PRPF6: variants seen among roughly 807,000 people sequenced by gnomAD.
The protein encoded by PRPF6 is pre-mRNA processing factor 6.
Under a neutral mutation model 118.3 loss-of-function variants are expected in PRPF6, and 42 were observed. The observed-to-expected ratio is 0.35, with a 90% CI of 0.28 to 0.46. The LOEUF (loss-of-function observed/expected upper bound fraction) is 0.46, where lower values mean the gene tolerates loss of function less well. PRPF6 is among the 20% of genes least tolerant of loss of function. The pLI is 1.00. For synonymous variants in PRPF6, 481 were observed against 485.1 expected (o/e 0.99, Z 0.11); for missense variants, 662 against 1,255.7 (o/e 0.53, Z 7.15).
chr20:63,989,274 G>C (rs1021870897), intron 3 of PRPF6, among the ~76,000 whole-genome samples: 2 of 152,042 alleles, frequency 1.3e-5, no homozygotes, highest in African/African-American at 4.8e-5. Flanking sequence ...GAAACTACTA[G>C]AAGAAAACAT....
At chr20:63,995,115 A>T in intron 5 of PRPF6, 23 bp downstream of exon 5, 2 of 1,614,056 alleles carry the variant, frequency 1.2e-6, no homozygotes, top group Middle Eastern at 1.6e-4. Context: ...AAAAGGGCAC[A>T]TGTGGCCCAT....
intron 3 of PRPF6, among the ~76,000 whole-genome samples, chr20:63,993,046 T>A (rs1242775196): frequency 1.3e-5 from 2 of 151,792 alleles, no homozygotes; most frequent in Non-Finnish European, 2.9e-5. Flanking sequence ...TGAAACCCCG[T>A]CTCTACTAAA....
Position 64,001,332 on chromosome 20 carries a change from G to A in PRPF6, c.1186+93G>A, listed in dbSNP as rs1178955048. 6 of 1,456,234 alleles carry A rather than the reference G, an allele frequency of 4.1e-6. No individual in the cohort carries two copies. The Admixed American group carries it at 5.4e-5, about 13-fold the overall frequency. The allele number at this position is 1,456,234 out of a possible 1,614,324, so 90.2% of individuals were successfully genotyped here. A position where few individuals can be genotyped will look rare whatever the true frequency, so the allele number is the denominator to read the frequency against. ...CCTGGCTCAGGCTTTTGGTGAGAGTGGATAAGGAACCAGGGACATTTTTCA... is the reference window on the plus strand; with the variant it reads ...CCTGGCTCAGGCTTTTGGTGAGAGTAGATAAGGAACCAGGGACATTTTTCA... On this transcript the variant is annotated intron_variant, in intron 9 of 20. Transcript: ENST00000266079.
At chr20:64,019,247 C>G (rs2059252848) in intron 12 of PRPF6, among the ~76,000 whole-genome samples, 1 of 151,848 alleles carries the variant, frequency 6.6e-6, no homozygotes, top group Non-Finnish European at 1.5e-5. Flanking sequence ...GCTGGGACTA[C>G]AGGTGCCTGC....
rs1023032652 is a variant in PRPF6 at position 64,001,999 on chromosome 20, T to C, written c.1186+760T>C. ...AGGTGGCTTCTTTTTTTTCATTTTTTGTTTTTTTTTTCTGGTTTTTTTTTT... is the reference window on the plus strand; with the variant it reads ...AGGTGGCTTCTTTTTTTTCATTTTTCGTTTTTTTTTTCTGGTTTTTTTTTT... On this transcript the variant is annotated intron_variant, in intron 9 of 20. Coordinates refer to ENST00000266079, the MANE Select transcript of PRPF6 (RefSeq NM_012469.4). Among the ~76,000 whole-genome samples, 4 of 146,494 alleles carry C rather than the reference T, an allele frequency of 2.7e-5. 1 individual carries two copies. The highest frequency in any genetic ancestry group is 1.4e-4 in the Admixed American group (2 of 13,800).
intron 14 of PRPF6, 151 bp downstream of exon 14, chr20:64,024,844 G>A: frequency 8.3e-7 from 1 of 1,211,012 alleles, no homozygotes; most frequent in Non-Finnish European, 1.1e-6. Context: ...AGGAGCAGGG[G>A]CCGTGAAGGG....
intron 12 of PRPF6, among the ~76,000 whole-genome samples, chr20:64,018,476 G>C (rs1343950484): frequency 2.0e-5 from 3 of 152,148 alleles, no homozygotes; most frequent in Admixed American, 6.5e-5. Flanking sequence ...TCTGGTGCGG[G>C]CAGTGGCCGC....
rs760744481 is a variant in PRPF6 at position 63,983,065 on chromosome 20, G to A, written c.90G>A (p.Thr30=). 10 of 1,614,050 alleles carry A rather than the reference G, an allele frequency of 6.2e-6. No individual in the cohort carries two copies. Among genetic ancestry groups the A allele is most frequent in the South Asian group, 4.4e-5 (4 of 91,078 alleles). Residue 30 remains threonine (T), a synonymous_variant, in exon 2 of 21, where the codon ACG becomes ACA. Coordinates refer to ENST00000266079, the MANE Select transcript of PRPF6 (RefSeq NM_012469.4). ...CCTGCAGCGCCACTGGCTTCACCAC[G>A]CGGTCAGACATTGGGCCCGCCCGTG... ...GLGRGATGFT[T]RSDIGPARDA...
chr20:63,999,131 A>G lies in PRPF6; in HGVS notation c.858A>G (p.Gly286=), dbSNP rs749629149. Residue 286 remains glycine (G), a synonymous_variant, in exon 7 of 21, where the codon GGA becomes GGG. Coordinates refer to ENST00000266079, the MANE Select transcript of PRPF6 (RefSeq NM_012469.4). ...DLNSMIPTHG[G]DINDIKKARL... Reference sequence around the variant, plus strand: ...ATTCCATGATCCCGACACACGGAGGAGACATCAAGTGAGTGCTTTGCAGAA... The same window carrying G: ...ATTCCATGATCCCGACACACGGAGGGGACATCAAGTGAGTGCTTTGCAGAA... 2 of 1,613,780 alleles carry G rather than the reference A, an allele frequency of 1.2e-6. No individual in the cohort carries two copies. Among genetic ancestry groups the G allele is most frequent in the East Asian group, 4.5e-5 (2 of 44,874 alleles).
rs527686294 is a variant in PRPF6, at chr20:63,981,163, A to C, written c.-83A>C. Reference sequence around the variant, plus strand: ...GACACTTTGCTACGGAGTGCATCGGACGTCGAAGCCTAGAGTCTCTGCGTC... The same window carrying C: ...GACACTTTGCTACGGAGTGCATCGGCCGTCGAAGCCTAGAGTCTCTGCGTC... On this transcript the variant is annotated 5_prime_UTR_variant, in exon 1 of 21. Coordinates refer to ENST00000266079, the MANE Select transcript of PRPF6 (RefSeq NM_012469.4). 1.2e-5 allele frequency: 17 copies of C among 1,414,086 alleles called. No individual in the cohort carries two copies. In the East Asian group the frequency reaches 1.2e-4, roughly 10 times the overall value. 87.6% of individuals were successfully genotyped at this position (1,414,086 alleles called of 1,614,324 possible). A position where few individuals can be genotyped will look rare whatever the true frequency, so the allele number is the denominator to read the frequency against.
chr20:63,996,207 C>T (rs539559950), intron 6 of PRPF6, among the ~76,000 whole-genome samples: 5 of 152,114 alleles, frequency 3.3e-5, no homozygotes, highest in African/African-American at 9.6e-5. Context: ...GGTGTGGTGG[C>T]GGGCGCCTGT....
At chr20:64,008,822 A>G (rs1386413478) in intron 9 of PRPF6, among the ~76,000 whole-genome samples, 4 of 152,172 alleles carry the variant, frequency 2.6e-5, no homozygotes, top group Non-Finnish European at 5.9e-5. Context: ...GTTATGAACT[A>G]TTGAATGCTG....
Position 63,994,935 on chromosome 20 carries a change from CAG to C in PRPF6, c.460_461del (p.Glu154ArgfsTer15). The C allele has an allele frequency of 6.2e-7, 1 of 1,614,188 alleles. No individual in the cohort carries two copies. Among genetic ancestry groups the C allele is most frequent in the Non-Finnish European group, 8.5e-7 (1 of 1,180,034 alleles). On this transcript the variant is annotated frameshift_variant, in exon 5 of 21. Transcript: ENST00000266079. LOFTEE classifies it high-confidence loss of function. ...TTCCAGAGGAAGTTGGCAGAAGTCACAGAAGAAGAGTGGCTGAGCATCCCCGA... is the reference window on the plus strand; with the variant it reads ...TTCCAGAGGAAGTTGGCAGAAGTCACAAGAAGAGTGGCTGAGCATCCCCGA...
chr20:64,022,995 T>C, intron 13 of PRPF6, 117 bp downstream of exon 13: 1 of 1,502,826 alleles, frequency 6.7e-7, no homozygotes, highest in South Asian at 1.2e-5. Context: ...ATTTGAGGTC[T>C]GGCCCTCTGG....
chr20:64,010,769 A>G (rs2059213158), intron 10 of PRPF6, among the ~76,000 whole-genome samples: 1 of 152,156 alleles, frequency 6.6e-6, no homozygotes, highest in Non-Finnish European at 1.5e-5. Flanking sequence ...AGTGATTTTT[A>G]GTCTTGGTTT....
At chr20:63,987,610 C>T (rs538777401) in intron 3 of PRPF6, among the ~76,000 whole-genome samples, 3 of 152,246 alleles carry the variant, frequency 2.0e-5, no homozygotes, top group Admixed American at 6.5e-5. Flanking sequence ...CTAGAGCAGT[C>T]GGACCAGAGA....
chr20:64,016,341 C>A (rs957653491), intron 11 of PRPF6, among the ~76,000 whole-genome samples: 3 of 152,082 alleles, frequency 2.0e-5, no homozygotes, highest in Non-Finnish European at 2.9e-5. Flanking sequence ...GTTGGCCAGG[C>A]TGGTCTCGAA....
intron 3 of PRPF6, among the ~76,000 whole-genome samples, chr20:63,985,248 A>G (rs2059088203): frequency 6.6e-6 from 1 of 152,012 alleles, no homozygotes; most frequent in African/African-American, 2.4e-5. Flanking sequence ...AGTCCCAGCT[A>G]CTTGGGTGGC....
chr20:64,006,273 C>G (rs2059189359), intron 9 of PRPF6, among the ~76,000 whole-genome samples: 1 of 151,770 alleles, frequency 6.6e-6, no homozygotes, highest in Non-Finnish European at 1.5e-5. Context: ...TGGTCTGCAC[C>G]CTGGTTGGCA....
Sources: allele counts gnomAD v4.1 joint callset (sites outside exome capture counted in the v4.1 genomes callset), GRCh38; gene constraint gnomAD v4.1.1; transcripts MANE v1.5; gene names NCBI Gene and HGNC (gene_info 2026-07-23, HGNC 2026-07-21).